Variants in PCDHGB3 observed in about 807,000 individuals in gnomAD.
The protein encoded by PCDHGB3 is protocadherin gamma-B3.
A neutral mutation model predicts 59.2 loss-of-function variants in PCDHGB3; 40 were observed. That is an observed-to-expected ratio of 0.68 (90% CI 0.52 to 0.88). The LOEUF (loss-of-function observed/expected upper bound fraction) is 0.88. Ranked by LOEUF, PCDHGB3 falls within the 40% of genes least tolerant of loss-of-function variation. PCDHGB3 has a pLI of 0.00. For missense variants in PCDHGB3, 1,309 were observed against 1,187.9 expected, an observed-to-expected ratio of 1.10 and a Z score of -1.50; for synonymous variants, 581 against 503.6, an observed-to-expected ratio of 1.15 and a Z score of -2.06.
At position 141,372,143 on chromosome 5, in the gene PCDHGB3, G is replaced by A; in HGVS notation, c.1749G>A (p.Glu583=). Residue 583 remains glutamate (E), a synonymous_variant, in exon 1 of 4, where the codon GAG becomes GAA. Coordinates refer to ENST00000576222, the MANE Select transcript of PCDHGB3 (RefSeq NM_018924.5). ...TCGATATGGTGCCGCGCTCTGCAGA[G>A]CCTGGCTACCTGGTGACCAAGGTGG... ...ALFDMVPRSA[E]PGYLVTKVVA... is the part of the protein sequence containing the mutation. The A allele has an allele frequency of 6.2e-7, 1 of 1,613,784 alleles. No individual in the cohort carries two copies.
At position 141,476,030 on chromosome 5, in the gene PCDHGB3, G is replaced by A; in HGVS notation, c.2416-18777G>A. On this transcript the variant is annotated intron_variant, in intron 1 of 3. Coordinates refer to ENST00000576222, the MANE Select transcript of PCDHGB3 (RefSeq NM_018924.5). This position sits in a 1 kb window ranked among gnomAD's most constrained non-coding sequence, Gnocchi z 7.6. ...AAAGCCATGTCGGACTCGGCGCCCA[G>A]CGCCCAAGCGCTAACCCGCTGAAAG... 2.7e-6 allele frequency: 4 copies of A among 1,459,176 alleles called. No individual in the cohort carries two copies. The highest frequency in any genetic ancestry group is 3.6e-6 in the Non-Finnish European group (4 of 1,096,658). The allele number at this position is 1,459,176 out of a possible 1,614,324, so 90.4% of individuals were successfully genotyped here. A position where few individuals can be genotyped will look rare whatever the true frequency, so the allele number is the denominator to read the frequency against.
intron 2 of PCDHGB3, among the ~76,000 whole-genome samples, chr5:141,502,866 C>CTTTTTTCTT (rs2099816532): frequency 7.8e-6 from 1 of 128,046 alleles, no homozygotes; most frequent in African/African-American, 3.1e-5. Context: ...GACTCTCTGT[C>CTTTTTTCTT]TTTTTTTTTT....
In PCDHGB3 at chr5:141,490,023, G is replaced by A. The variant is rs1306715385; in HGVS notation, c.2416-4784G>A. The A allele has an allele frequency of 1.2e-6, 2 of 1,614,134 alleles. No homozygotes were observed. Among genetic ancestry groups the A allele is most frequent in the Non-Finnish European group, 1.7e-6 (2 of 1,180,060 alleles). On this transcript the variant is annotated intron_variant, in intron 1 of 3. Transcript: ENST00000576222. This position sits in a 1 kb window ranked among gnomAD's most constrained non-coding sequence, Gnocchi z 5.4. ...AGAATGCACCCATTGGTACTCTGCT[G>A]CTCCGCCTCAATGCCACTGATCCAG... is the stretch of plus-strand genomic sequence containing the variant.
At chr5:141,464,282 A>AG (rs1318553407) in intron 1 of PCDHGB3, among the ~76,000 whole-genome samples, 1 of 151,396 alleles carries the variant, frequency 6.6e-6, no homozygotes, top group Non-Finnish European at 1.5e-5. Flanking sequence ...AAAAAAGCAA[A>AG]AAAAAAAACT....
intron 1 of PCDHGB3, chr5:141,376,225 C>T (rs1772427738): frequency 6.2e-7 from 1 of 1,614,206 alleles, no homozygotes; most frequent in Non-Finnish European, 8.5e-7. Context: ...TGCTGGCGCT[C>T]AGACTGCAGC....
At chr5:141,447,433 C>T (rs756021616) in intron 1 of PCDHGB3, among the ~76,000 whole-genome samples, 5 of 152,118 alleles carry the variant, frequency 3.3e-5, no homozygotes, top group African/African-American at 7.2e-5. Context: ...CCACCGCACC[C>T]GGAGGAAATT....
chr5:141,436,095 GA>G (rs2097795730), intron 1 of PCDHGB3, among the ~76,000 whole-genome samples: 2 of 152,112 alleles, frequency 1.3e-5, no homozygotes, highest in Non-Finnish European at 2.9e-5. Context: ...AATATTGAGA[GA>G]AATAGAGGAC....
rs980109158 is a variant in PCDHGB3 at position 141,375,279 on chromosome 5, G to A, written c.2415+2470G>A. On this transcript the variant is annotated intron_variant, in intron 1 of 3. Transcript: ENST00000576222. ...CCATTTGAATTGGAAAAATCAGTTG[G>A]CAATTATTATCGATTAGTGACAAAT... is the stretch of plus-strand genomic sequence containing the variant. 18 of 1,613,688 alleles carry A rather than the reference G, an allele frequency of 1.1e-5. No individual in the cohort carries two copies. The highest frequency in any genetic ancestry group is 4.2e-6 in the Non-Finnish European group (5 of 1,179,904).
intron 1 of PCDHGB3, among the ~76,000 whole-genome samples, chr5:141,437,741 CT>C (rs35124340): frequency 3.0e-3 from 425 of 141,590 alleles, no homozygotes; most frequent in African/African-American, 3.7e-3. Context: ...TTGAGTTCAC[CT>C]TTTTTTTTTT....
intron 1 of PCDHGB3, chr5:141,421,256 G>A (rs1205670837): frequency 1.2e-6 from 2 of 1,607,696 alleles, no homozygotes; most frequent in African/African-American, 1.3e-5. Flanking sequence ...CGCGGGGACC[G>A]CAGTCGGCTG....
At chr5:141,381,396 T>C (rs890483811) in intron 1 of PCDHGB3, among the ~76,000 whole-genome samples, 2 of 152,262 alleles carry the variant, frequency 1.3e-5, no homozygotes, top group African/African-American at 4.8e-5. Context: ...AGTTTTACTC[T>C]ATCAACATCA....
chr5:141,501,442 T>C (rs1202229661), intron 2 of PCDHGB3, among the ~76,000 whole-genome samples: 1 of 152,016 alleles, frequency 6.6e-6, no homozygotes, highest in African/African-American at 2.4e-5. Context: ...ATTTCTTCCA[T>C]TTTTACTTTT....
intron 1 of PCDHGB3, chr5:141,430,711 C>T (rs2097304226): frequency 1.3e-6 from 2 of 1,483,856 alleles, no homozygotes; most frequent in African/African-American, 2.8e-5. Context: ...CTGCTCCTGA[C>T]TTCAGTGGTT....
chr5:141,510,621 A>G (rs1317150967), intron 3 of PCDHGB3, among the ~76,000 whole-genome samples: 1 of 152,176 alleles, frequency 6.6e-6, no homozygotes, highest in Non-Finnish European at 1.5e-5. Flanking sequence ...CACTAAAACC[A>G]GAAGAGGTGG....
At chr5:141,405,403 T>A (rs1430892971) in intron 1 of PCDHGB3, 2 of 1,586,108 alleles carry the variant, frequency 1.3e-6, no homozygotes, top group Non-Finnish European at 1.7e-6. Flanking sequence ...TCTTTCTTTC[T>A]TTTCTTTTTT....
chr5:141,450,887 C>A (rs531604055), intron 1 of PCDHGB3, among the ~76,000 whole-genome samples: 1 of 148,582 alleles, frequency 6.7e-6, no homozygotes, highest in East Asian at 2.0e-4. Flanking sequence ...TGCAGTGGTG[C>A]GATATCGGCT....
In PCDHGB3 at chr5:141,399,169, C is replaced by G. The variant is rs371809310; in HGVS notation, c.2415+26360C>G. On this transcript the variant is annotated intron_variant, in intron 1 of 3. Transcript: ENST00000576222. ...TAGCCCAGAAGTTACATTCCATTCT[C>G]TACTTGAAATGATTCTGGAAAACGC... 2.4e-5 allele frequency: 38 copies of G among 1,613,632 alleles called. No individual in the cohort carries two copies. In the African/African-American group the frequency reaches 4.0e-4, roughly 17 times the overall value.
chr5:141,490,251 A>G lies in PCDHGB3; in HGVS notation c.2416-4556A>G, dbSNP rs1479384008. ...CCATGGAGGGCCACTGTGTGATTCA[A>G]GTGGATGTGGGGGATGTCAATGACA... is the stretch of plus-strand genomic sequence containing the variant. On this transcript the variant is annotated intron_variant, in intron 1 of 3. Coordinates refer to ENST00000576222, the MANE Select transcript of PCDHGB3 (RefSeq NM_018924.5). This position sits in a 1 kb window ranked among gnomAD's most constrained non-coding sequence, Gnocchi z 5.4. 6.2e-7 allele frequency: 1 copy of G among 1,614,210 alleles called. No homozygotes were observed. Among genetic ancestry groups the G allele is most frequent in the Non-Finnish European group, 8.5e-7 (1 of 1,180,036 alleles).
At chr5:141,429,169 T>TACACACACACACACACACAAAC (rs2097191391) in intron 1 of PCDHGB3, 1 of 145,394 alleles carries the variant, frequency 6.9e-6, no homozygotes, top group East Asian at 2.0e-4. Flanking sequence ...ACATTGTTTA[T>TACACACACACACACACACAAAC]ACACACACAC....
Sources: allele counts gnomAD v4.1 joint callset (sites outside exome capture counted in the v4.1 genomes callset), GRCh38; gene constraint gnomAD v4.1.1; non-coding constraint Gnocchi (gnomAD v3.1); transcripts MANE v1.5; gene names NCBI Gene and HGNC (gene_info 2026-07-23, HGNC 2026-07-21).